Variants in RFC2 observed in about 807,000 individuals in gnomAD.
RFC2 encodes replication factor C subunit 2, also known as A1 40 kDa subunit.
In RFC2, 34 loss-of-function variants were observed where a neutral mutation model predicts 44.8. The ratio of observed to expected loss-of-function variants is 0.76; its 90% CI spans 0.58 to 1.01. The LOEUF is 1.01. RFC2 is among the 50% of genes least tolerant of loss of function. The pLI is 0.00. For missense variants in RFC2, 400 were observed against 453.6 expected, an observed-to-expected ratio of 0.88 and a Z score of 1.07; for synonymous variants, 177 against 168.9, an observed-to-expected ratio of 1.05 and a Z score of -0.37.
intron 9 of RFC2, 118 bp from the exon 10 acceptor site, chr7:74,235,763 C>A: frequency 1.4e-6 from 1 of 702,888 alleles, no homozygotes; most frequent in South Asian, 1.5e-5. Context: ...GGTACCTTAA[C>A]TGATTTTCAT....
rs1554718654 is a variant in RFC2, at chr7:74,238,131, C to A, written c.760-689G>T. On this transcript the variant is annotated intron_variant, in intron 8 of 10. Coordinates refer to ENST00000055077, the MANE Select transcript of RFC2 (RefSeq NM_181471.3). This position sits in a 1 kb window ranked among gnomAD's most constrained non-coding sequence, Gnocchi z 4.0. ...GACAAAACAGGGCCCGAACCATCAC[C>A]CCTGTTTCTGAGCGGGCCTCCCCTT... 6.6e-6 allele frequency among the ~76,000 whole-genome samples: 1 copy of A among 152,092 alleles called. No homozygotes were observed. The highest frequency in any genetic ancestry group is 1.5e-5 in the Non-Finnish European group (1 of 68,022).
chr7:74,246,185 G>C (rs1168524737), intron 5 of RFC2, among the ~76,000 whole-genome samples: 1 of 150,604 alleles, frequency 6.6e-6, no homozygotes, highest in Non-Finnish European at 1.5e-5. Context: ...GACAGAGCGA[G>C]ACTCTGTCTC....
chr7:74,251,232 C>T (rs1475782051), intron 2 of RFC2, among the ~76,000 whole-genome samples: 7 of 152,170 alleles, frequency 4.6e-5, no homozygotes, highest in African/African-American at 1.2e-4. Flanking sequence ...CTCACTGCAG[C>T]GTCAAACTCC....
In RFC2 at chr7:74,246,703, G is replaced by C. The variant is rs781819760; in HGVS notation, c.393C>G (p.Pro131=). 2.4e-5 allele frequency: 38 copies of C among 1,612,780 alleles called. No individual in the cohort carries two copies. The highest frequency in any genetic ancestry group is 8.4e-5 in the Admixed American group (5 of 59,880). Residue 131 remains proline, a synonymous_variant, in exon 5 of 11, where the codon CCC becomes CCG. Coordinates refer to ENST00000055077, the MANE Select transcript of RFC2 (RefSeq NM_181471.3). ...GAATGATGATCTTATGTCGGCCTTTGGGAAGAGTGACTTTTTGTTGAGCAA... is the reference window on the plus strand; with the variant it reads ...GAATGATGATCTTATGTCGGCCTTTCGGAAGAGTGACTTTTTGTTGAGCAA... ...KMFAQQKVTL[P]KGRHKIIILD...
chr7:74,240,127 C>T, intron 6 of RFC2, 32 bp from the exon 7 acceptor site: 1 of 1,597,362 alleles, frequency 6.3e-7, no homozygotes, highest in South Asian at 1.1e-5. Context: ...GTGAGGCTTC[C>T]CTGCAGAGGC....
At chr7:74,242,020 G>A (rs1254666067) in intron 6 of RFC2, among the ~76,000 whole-genome samples, 2 of 152,184 alleles carry the variant, frequency 1.3e-5, no homozygotes, top group African/African-American at 4.8e-5. Flanking sequence ...GAGCACTCTT[G>A]GGACCTGGGG....
Position 74,232,064 on chromosome 7 carries a change from T to G in RFC2, c.*42A>C. ...ATCAGAAAGCCGCGGCTCCTGTACC[T>G]CAGAATAGGGCACCTGTAAGTCAGT... On this transcript the variant is annotated 3_prime_UTR_variant, in exon 11 of 11. Transcript: ENST00000055077. 8.1e-7 allele frequency: 1 copy of G among 1,232,364 alleles called. No homozygotes were observed. Among genetic ancestry groups the G allele is most frequent in the Non-Finnish European group, 1.2e-6 (1 of 836,302 alleles). The allele number at this position is 1,232,364 out of a possible 1,614,324, so 76.3% of individuals were successfully genotyped here.
Position 74,249,115 on chromosome 7 carries a change from G to T in RFC2, c.229C>A (p.Pro77Thr), listed in dbSNP as rs1021253765. 3 of 1,613,694 alleles carry T rather than the reference G, an allele frequency of 1.9e-6. No homozygotes were observed. The highest frequency in any genetic ancestry group is 2.5e-6 in the Non-Finnish European group (3 of 1,179,828). Reference protein sequence around the residue: ...GNVPNIIIAGPPGTGKTTSIL... With the variant: ...GNVPNIIIAGTPGTGKTTSIL... ...CTTGTGGTCTTGCCGGTTCCTGGAG[G>T]GCCCTGGGAATGAGATCTCCAGTAA... The change falls in exon 4 of 11, where the codon CCT becomes ACT. Residue 77 changes from proline to threonine, a missense_variant. Pro to Thr is a conservative substitution (Grantham distance 38). Transcript: ENST00000055077.
intron 6 of RFC2, among the ~76,000 whole-genome samples, chr7:74,241,560 A>G (rs1481367507): frequency 6.6e-6 from 1 of 152,158 alleles, no homozygotes; most frequent in Non-Finnish European, 1.5e-5. Context: ...ATGAGCTCAT[A>G]TGGTTGGGGT....
At chr7:74,235,478 G>C in intron 10 of RFC2, 54 bp downstream of exon 10, 2 of 1,149,504 alleles carry the variant, frequency 1.7e-6, no homozygotes, top group Non-Finnish European at 2.6e-6. Context: ...CACAGCACCC[G>C]GCCACTATGG....
chr7:74,252,418 AAG>A lies in RFC2; in HGVS notation c.183+9_183+10del. Reference sequence around the variant, plus strand: ...CGAGACTCTGTCTCAAAAAAAAAAAAAGCCACTCACCTCTAGCCTGCTCACGG... The same window carrying A: ...CGAGACTCTGTCTCAAAAAAAAAAAACCACTCACCTCTAGCCTGCTCACGG... On this transcript the variant is annotated intron_variant, in intron 2 of 10. Transcript: ENST00000055077. The A allele has an allele frequency of 6.5e-7, 1 of 1,537,360 alleles. No homozygotes were observed. Among genetic ancestry groups the A allele is most frequent in the Non-Finnish European group, 8.9e-7 (1 of 1,121,812 alleles).
intron 7 of RFC2, 57 bp from the exon 8 acceptor site, chr7:74,239,045 A>ATTTATTTCTTTTT: frequency 1.4e-6 from 2 of 1,405,826 alleles, no homozygotes; most frequent in Non-Finnish European, 2.0e-6. Context: ...CTTTTTGAGT[A>ATTTATTTCTTTTT]GAGACAGGAG....
chr7:74,241,547 T>C (rs1384018784), intron 6 of RFC2, among the ~76,000 whole-genome samples: 7 of 152,138 alleles, frequency 4.6e-5, no homozygotes, highest in Non-Finnish European at 1.0e-4. Flanking sequence ...GGTTGTCAGA[T>C]GGATGAGCTC....
intron 7 of RFC2, among the ~76,000 whole-genome samples, 161 bp from the exon 8 acceptor site, chr7:74,239,149 A>G (rs1402065371): frequency 7.0e-6 from 1 of 143,662 alleles, no homozygotes; most frequent in Non-Finnish European, 1.5e-5. Flanking sequence ...GGCATGAGCC[A>G]CCGCACCGGG....
intron 5 of RFC2, among the ~76,000 whole-genome samples, chr7:74,245,302 G>A (rs1276690329): frequency 6.6e-6 from 1 of 151,938 alleles, no homozygotes; most frequent in Non-Finnish European, 1.5e-5. Flanking sequence ...TTACAGGCAT[G>A]AGCCACCGAG....
intron 7 of RFC2, 83 bp downstream of exon 7, chr7:74,239,855 A>T: frequency 7.8e-7 from 1 of 1,289,706 alleles, no homozygotes; most frequent in South Asian, 1.4e-5. Flanking sequence ...TACCTTGTGC[A>T]GCTGTCACTT....
chr7:74,245,473 G>A (rs1554719846), intron 5 of RFC2, among the ~76,000 whole-genome samples: 1 of 151,618 alleles, frequency 6.6e-6, no homozygotes. Context: ...AGCACTTTGG[G>A]AGGCCGAGGC....
intron 5 of RFC2, among the ~76,000 whole-genome samples, chr7:74,244,957 T>C (rs1273799264): frequency 1.3e-5 from 2 of 151,910 alleles, no homozygotes; most frequent in Non-Finnish European, 2.9e-5. Context: ...AGTGAGACCC[T>C]GTCTCAAAAA....
chr7:74,246,801 A>C (rs782014964), intron 4 of RFC2, 38 bp from the exon 5 acceptor site: 2 of 1,385,254 alleles, frequency 1.4e-6, no homozygotes, highest in Non-Finnish European at 1.0e-6. Context: ...ACCTTCTGAG[A>C]CCAATTCAGT....
Sources: allele counts gnomAD v4.1 joint callset (sites outside exome capture counted in the v4.1 genomes callset), GRCh38; gene constraint gnomAD v4.1.1; non-coding constraint Gnocchi (gnomAD v3.1); transcripts MANE v1.5; gene names NCBI Gene and HGNC (gene_info 2026-07-23, HGNC 2026-07-21).